Variants in KIAA1671 observed in about 807,000 individuals in gnomAD.
The protein encoded by KIAA1671 is KIAA1671.
A neutral mutation model predicts 131.2 loss-of-function variants in KIAA1671; 52 were observed. The ratio of observed to expected loss-of-function variants is 0.40; its 90% CI spans 0.32 to 0.50. The LOEUF is 0.50. KIAA1671 is among the 20% of genes least tolerant of loss of function. The pLI is 0.73. For synonymous variants in KIAA1671, 1,003 were observed against 961.6 expected, an observed-to-expected ratio of 1.04 and a Z score of -0.80; for missense variants, 2,360 against 2,364.2, an observed-to-expected ratio of 1.00 and a Z score of 0.04.
In KIAA1671 at chr22:25,008,742, C is replaced by G. The variant is rs140796146; in HGVS notation, c.-207-16891C>G. On this transcript the variant is annotated intron_variant, in intron 1 of 12. Coordinates refer to ENST00000358431, the MANE Select transcript of KIAA1671 (RefSeq NM_001145206.2). ...GTTAATGATTTGAGGATGATAATGA[C>G]TAATAACCAGACTTTCCCAGGGCCC... Among the ~76,000 whole-genome samples, 44 of 152,326 alleles carry G rather than the reference C, an allele frequency of 2.9e-4. No individual in the cohort carries two copies. The East Asian group carries it at 8.1e-3, about 28-fold the overall frequency.
intron 1 of KIAA1671, among the ~76,000 whole-genome samples, chr22:25,003,400 A>ATTTTTTTTTTTTTTTTTTTTTTT (rs71191013): frequency 8.8e-6 from 1 of 113,844 alleles, no homozygotes; most frequent in Admixed American, 9.1e-5. Context: ...ACTTGGAGAG[A>ATTTTTTTTTTTTTTTTTTTTTTT]TTTTTTTTTT....
chr22:25,145,264 G>A (rs542448536), intron 6 of KIAA1671, among the ~76,000 whole-genome samples: 3 of 152,238 alleles, frequency 2.0e-5, no homozygotes, highest in Non-Finnish European at 4.4e-5. Flanking sequence ...CAGTGGGGGT[G>A]GGTTGAGTTA....
At chr22:25,173,892 C>T (rs1034061150) in intron 7 of KIAA1671, among the ~76,000 whole-genome samples, 4 of 152,136 alleles carry the variant, frequency 2.6e-5, no homozygotes, top group East Asian at 1.9e-4. Flanking sequence ...AAGATGCTCA[C>T]GGCATATCTC....
chr22:25,042,579 G>C (rs1444408503), intron 5 of KIAA1671, among the ~76,000 whole-genome samples: 1 of 147,254 alleles, frequency 6.8e-6, no homozygotes, highest in East Asian at 2.0e-4. Flanking sequence ...CGATTCTCCT[G>C]CCTCAGCCTC....
intron 1 of KIAA1671, among the ~76,000 whole-genome samples, chr22:24,996,155 G>T (rs966177587): frequency 6.6e-6 from 1 of 151,794 alleles, no homozygotes; most frequent in African/African-American, 2.4e-5. Context: ...CATTGGGGAA[G>T]CGACCCCTGT....
In KIAA1671 at chr22:25,028,237, C is replaced by T. The variant is rs1453870140; in HGVS notation, c.238C>T (p.Pro80Ser). ...CTCGAAGGAGCAGGACGTGAAATCT[C>T]CTGTCCCGTCTCTGCGGCCCAGTTC... is the stretch of plus-strand genomic sequence containing the variant. ...PFSKEQDVKS[P>S]VPSLRPSSTG... The change falls in exon 3 of 13, where the codon CCT becomes TCT. Residue 80 changes from proline (P) to serine (S), a missense_variant. Pro to Ser is a moderately conservative substitution (Grantham distance 74). Transcript: ENST00000358431. The T allele has an allele frequency of 6.4e-7, 1 of 1,551,512 alleles. No homozygotes were observed. Among genetic ancestry groups the T allele is most frequent in the East Asian group, 2.4e-5 (1 of 40,922 alleles).
chr22:25,155,762 G>A (rs1271071889), intron 6 of KIAA1671, among the ~76,000 whole-genome samples: 1 of 151,796 alleles, frequency 6.6e-6, no homozygotes, highest in Non-Finnish European at 1.5e-5. Flanking sequence ...ACCTATGTGT[G>A]TATTTGTATT....
intron 6 of KIAA1671, among the ~76,000 whole-genome samples, chr22:25,122,393 C>G (rs1369103537): frequency 6.6e-6 from 1 of 152,080 alleles, no homozygotes; most frequent in African/African-American, 2.4e-5. Context: ...ACCCAATGAC[C>G]CAAAAGTTAC....
chr22:25,175,630 G>A (rs1192498685), intron 8 of KIAA1671: 1 of 152,230 alleles, frequency 6.6e-6, no homozygotes, highest in Admixed American at 6.5e-5. Flanking sequence ...TGCCTTACAT[G>A]CCAGCATCAT....
At position 25,177,539 on chromosome 22, in the gene KIAA1671, C is replaced by G; in HGVS notation, c.5074+17C>G. ...ACTCAACGGGTATGCCATGACTTCTCTCCTCCTCAGATAGCACATTGAACA... is the reference window on the plus strand; with the variant it reads ...ACTCAACGGGTATGCCATGACTTCTGTCCTCCTCAGATAGCACATTGAACA... On this transcript the variant is annotated intron_variant, in intron 9 of 12. Coordinates refer to ENST00000358431, the MANE Select transcript of KIAA1671 (RefSeq NM_001145206.2). 2.6e-6 allele frequency: 4 copies of G among 1,542,372 alleles called. No individual in the cohort carries two copies. Among genetic ancestry groups the G allele is most frequent in the Non-Finnish European group, 3.5e-6 (4 of 1,139,486 alleles).
intron 6 of KIAA1671, among the ~76,000 whole-genome samples, chr22:25,095,705 T>C (rs1930360084): frequency 6.6e-6 from 1 of 152,076 alleles, no homozygotes; most frequent in Admixed American, 6.6e-5. Context: ...TGATAAGCTG[T>C]AGGAATACTG....
At chr22:25,076,573 T>G (rs534846704) in intron 6 of KIAA1671, among the ~76,000 whole-genome samples, 1 of 152,280 alleles carries the variant, frequency 6.6e-6, no homozygotes, top group South Asian at 2.1e-4. Flanking sequence ...AGATTAAGTT[T>G]CTCTTTCAAA....
intron 6 of KIAA1671, chr22:25,070,064 G>A: frequency 3.2e-6 from 1 of 315,526 alleles, no homozygotes; most frequent in Non-Finnish European, 5.7e-6. Context: ...ACGGCTCCCG[G>A]GAGGGTGAGG....
intron 6 of KIAA1671, chr22:25,112,024 T>TGCCTGAAG (rs975996730): frequency 5.1e-6 from 2 of 394,302 alleles, no homozygotes; most frequent in African/African-American, 4.1e-5. Flanking sequence ...ACCCTTGGTT[T>TGCCTGAAG]GCCTGAAGAA....
intron 8 of KIAA1671, 68 bp downstream of exon 8, chr22:25,174,557 T>A (rs754743658): frequency 6.9e-4 from 1,003 of 1,459,014 alleles, no homozygotes; most frequent in Non-Finnish European, 8.0e-4. Flanking sequence ...AATTGCCACT[T>A]CAGGTGTAGG....
At chr22:25,186,602 T>G (rs937306871) in intron 11 of KIAA1671, among the ~76,000 whole-genome samples, 1 of 151,606 alleles carries the variant, frequency 6.6e-6, no homozygotes, top group Admixed American at 6.6e-5. Context: ...CCTCTCTAAT[T>G]AAAAAAAAGA....
intron 4 of KIAA1671, 143 bp from the exon 5 acceptor site, chr22:25,038,617 A>T: frequency 1.1e-6 from 1 of 891,646 alleles, no homozygotes; most frequent in South Asian, 1.8e-5. Context: ...CCTCACCCAC[A>T]CTGGGTGTGT....
At chr22:25,081,932 A>G (rs1929430083) in intron 6 of KIAA1671, among the ~76,000 whole-genome samples, 1 of 152,108 alleles carries the variant, frequency 6.6e-6, no homozygotes, top group Admixed American at 6.5e-5. Context: ...TGGGTAGTGC[A>G]TGTCTATATT....
rs946888547 is a variant in KIAA1671 at position 25,040,756 on chromosome 22, A to G, written c.3626A>G (p.Gln1209Arg). The G allele has an allele frequency of 1.5e-3, 2,353 of 1,551,890 alleles. 4 individuals carry two copies. The highest frequency in any genetic ancestry group is 1.9e-3 in the Non-Finnish European group (2,229 of 1,147,050). The change falls in exon 5 of 13, where the codon CAG (glutamine) becomes CGG (arginine). Residue 1209 changes from glutamine (Q) to arginine (R), a missense_variant. Physicochemically the swap from Gln to Arg is conservative, Grantham distance 43. Coordinates refer to ENST00000358431, the MANE Select transcript of KIAA1671 (RefSeq NM_001145206.2). ...LDIDALMAEY[Q>R]ELSLKVPGEA... is the part of the protein sequence containing the mutation. ...ATTGACGCCCTGATGGCAGAGTACC[A>G]GGAGCTGTCGCTGAAAGTCCCTGGG...
Sources: allele counts gnomAD v4.1 joint callset (sites outside exome capture counted in the v4.1 genomes callset), GRCh38; gene constraint gnomAD v4.1.1; transcripts MANE v1.5; gene names NCBI Gene and HGNC (gene_info 2026-07-23, HGNC 2026-07-21).